ATP11A: variants seen among roughly 807,000 people sequenced by gnomAD.
The protein encoded by ATP11A is phospholipid-transporting ATPase IH.
ATP11A carries 81 observed loss-of-function variants against 154.4 expected under a neutral mutation model. The observed-to-expected ratio is 0.52, with a 90% confidence interval of 0.44 to 0.63. The LOEUF is 0.63. Among genes scored for constraint, ATP11A ranks in the 30% least tolerant of loss-of-function variants. ATP11A has a pLI of 0.00. For missense variants in ATP11A, 1,316 were observed against 1,474.3 expected, an observed-to-expected ratio of 0.89 and a Z score of 1.76; for synonymous variants, 623 against 585.9, an observed-to-expected ratio of 1.06 and a Z score of -0.91.
At chr13:112,877,773 A>G (rs2080773187) in intron 28 of ATP11A, among the ~76,000 whole-genome samples, 1 of 152,176 alleles carries the variant, frequency 6.6e-6, no homozygotes. Flanking sequence ...CAGCCTCCAG[A>G]GTCGGGGCTG....
intron 6 of ATP11A, 52 bp from the exon 7 acceptor site, chr13:112,819,252 G>C (rs2078728038): frequency 1.3e-6 from 2 of 1,532,408 alleles, no homozygotes; most frequent in South Asian, 2.2e-5. Context: ...CCAGCGTCTG[G>C]GTTTGTGTTG....
chr13:112,794,202 C>T (rs2077936742), intron 2 of ATP11A, among the ~76,000 whole-genome samples: 2 of 152,134 alleles, frequency 1.3e-5, no homozygotes, highest in Non-Finnish European at 2.9e-5. Context: ...GGATTGAGGA[C>T]GTCTACTGAT....
Position 112,754,701 on chromosome 13 carries a change from G to A in ATP11A, c.40-30434G>A. ...GGTGGACCCATCGCCTCCAAAGCCT[G>A]TGGGTCTCATTGGCTGGAATGTCTC... On this transcript the variant is annotated intron_variant, in intron 1 of 29. Coordinates refer to ENST00000375645, the MANE Select transcript of ATP11A (RefSeq NM_015205.3). This position sits in a 1 kb window ranked among gnomAD's most constrained non-coding sequence, Gnocchi z 5.3. 1 of 152,644 alleles carries A rather than the reference G, an allele frequency of 6.6e-6. No homozygotes were observed. Among genetic ancestry groups the A allele is most frequent in the South Asian group, 2.1e-4 (1 of 4,840 alleles). The allele number at this position is 152,644 out of a possible 1,614,324, so 9.5% of individuals were successfully genotyped here. A position where few individuals can be genotyped will look rare whatever the true frequency, so the allele number is the denominator to read the frequency against.
intron 3 of ATP11A, among the ~76,000 whole-genome samples, 198 bp from the exon 4 acceptor site, chr13:112,806,015 A>T (rs910810203): frequency 2.0e-5 from 3 of 152,124 alleles, no homozygotes; most frequent in Admixed American, 1.3e-4. Flanking sequence ...TCCTTAATTT[A>T]AAAAAGGTGC....
chr13:112,690,933 A>G lies in ATP11A; in HGVS notation c.39+478A>G, dbSNP rs1203661278. Among the ~76,000 whole-genome samples the G allele has an allele frequency of 6.6e-6, 1 of 152,182 alleles. No homozygotes were observed. Among genetic ancestry groups the G allele is most frequent in the Non-Finnish European group, 1.5e-5 (1 of 68,014 alleles). On this transcript the variant is annotated intron_variant, in intron 1 of 29. Coordinates refer to ENST00000375645, the MANE Select transcript of ATP11A (RefSeq NM_015205.3). This position sits in a 1 kb window ranked among gnomAD's most constrained non-coding sequence, Gnocchi z 5.6. ...TACACTTCTGCAGAAAAAGGTAGCA[A>G]TTGTGTTTGTTCTTTAACACCCCTG...
intron 1 of ATP11A, among the ~76,000 whole-genome samples, chr13:112,727,917 G>C (rs187574618): frequency 6.6e-6 from 1 of 152,222 alleles, no homozygotes; most frequent in African/African-American, 2.4e-5. Context: ...CGAATTCTCC[G>C]TGTAACTCAG....
At chr13:112,695,036 C>T (rs1885635348) in intron 1 of ATP11A, among the ~76,000 whole-genome samples, 1 of 152,174 alleles carries the variant, frequency 6.6e-6, no homozygotes, top group Non-Finnish European at 1.5e-5. Context: ...TTCTGAAAGA[C>T]AGACTTATTT....
chr13:112,783,168 CTG>C (rs982374310), intron 1 of ATP11A, among the ~76,000 whole-genome samples: 1 of 152,182 alleles, frequency 6.6e-6, no homozygotes, highest in African/African-American at 2.4e-5. Context: ...AAGACTTCCT[CTG>C]AGAGGTTGGT....
At chr13:112,781,073 G>C (rs865929358) in intron 1 of ATP11A, among the ~76,000 whole-genome samples, 16 of 152,192 alleles carry the variant, frequency 1.1e-4, no homozygotes, top group African/African-American at 2.6e-4. Flanking sequence ...CGGAGCCTCG[G>C]TCTGTCATCC....
intron 1 of ATP11A, among the ~76,000 whole-genome samples, chr13:112,768,564 C>T (rs2077152386): frequency 6.6e-6 from 1 of 152,250 alleles, no homozygotes; most frequent in South Asian, 2.1e-4. Flanking sequence ...AATATGCCTA[C>T]AATGCATTCG....
intron 2 of ATP11A, among the ~76,000 whole-genome samples, chr13:112,797,610 G>A (rs927226471): frequency 5.9e-5 from 9 of 152,112 alleles, no homozygotes; most frequent in Non-Finnish European, 1.2e-4. Context: ...AGGAAGAAAA[G>A]AATAATGTAA....
chr13:112,782,162 C>T (rs964987279), intron 1 of ATP11A, among the ~76,000 whole-genome samples: 5 of 152,226 alleles, frequency 3.3e-5, no homozygotes, highest in Admixed American at 1.3e-4. Context: ...AACGTCTGCT[C>T]GCCGGTGTTG....
chr13:112,826,824 T>C lies in ATP11A; in HGVS notation c.1154T>C (p.Met385Thr). The C allele has an allele frequency of 1.2e-6, 2 of 1,614,124 alleles. No individual in the cohort carries two copies. Among genetic ancestry groups the C allele is most frequent in the Admixed American group, 1.7e-5 (1 of 60,006 alleles). ...TACTTCATCACCTGGGACGAAGACA[T>C]GTTTGACGAGGAGACTGGCGAGGGG... ...GSYFITWDED[M>T]FDEETGEGPL... The change falls in exon 12 of 30, where the codon ATG becomes ACG. Residue 385 changes from methionine to threonine, a missense_variant. Around this residue, in one of 5 missense-constraint regions of ATP11A, gnomAD observed 876 missense variants for 1,006.8 expected, o/e 0.87. Transcript: ENST00000375645.
chr13:112,711,429 A>G (rs1337672102), intron 1 of ATP11A, among the ~76,000 whole-genome samples: 1 of 152,126 alleles, frequency 6.6e-6, no homozygotes, highest in African/African-American at 2.4e-5. Context: ...CAACATAGCA[A>G]GACCCTGTCT....
At chr13:112,764,394 T>A (rs2077028648) in intron 1 of ATP11A, among the ~76,000 whole-genome samples, 1 of 152,226 alleles carries the variant, frequency 6.6e-6, no homozygotes, top group Admixed American at 6.5e-5. Context: ...TTCCTTACGA[T>A]TTCATGGAAT....
At chr13:112,702,582 C>CGTG (rs1886697044) in intron 1 of ATP11A, among the ~76,000 whole-genome samples, 1 of 152,202 alleles carries the variant, frequency 6.6e-6, no homozygotes, top group Non-Finnish European at 1.5e-5. Context: ...CTGTGTTGTG[C>CGTG]GTGCGTCTCT....
chr13:112,820,476 G>C (rs1029508872), intron 8 of ATP11A, among the ~76,000 whole-genome samples: 1 of 152,222 alleles, frequency 6.6e-6, no homozygotes, highest in Non-Finnish European at 1.5e-5. Flanking sequence ...ACGGTTGGCT[G>C]CTGTGCCTTC....
rs543971659 is a variant in ATP11A, at chr13:112,729,406, C to T, written c.39+38951C>T. 5.8e-4 allele frequency among the ~76,000 whole-genome samples: 88 copies of T among 150,918 alleles called. 2 individuals are homozygous for T. The highest frequency in any genetic ancestry group is 2.1e-3 in the African/African-American group (85 of 40,454). On this transcript the variant is annotated intron_variant, in intron 1 of 29. Transcript: ENST00000375645. The stretch of plus-strand genomic sequence containing the variant: ...GCGGGCCCAGAGTATCTAACGCGTC[C>T]GAGTGCGAACAGTGTCAGAAGGCAC...
rs1163266359 is a variant in ATP11A, at chr13:112,878,301, A to G, written c.*7A>G. On this transcript the variant is annotated splice_region_variant and 3_prime_UTR_variant, in exon 29 of 30. Transcript: ENST00000375645. The stretch of plus-strand genomic sequence containing the variant: ...CAGCAGCCTGAGTTTCTGATGGAAC[A>G]AGGTGATGCTCCTCTGCCTTCCACG... The G allele has an allele frequency of 6.2e-7, 1 of 1,613,878 alleles. No homozygotes were observed. Among genetic ancestry groups the G allele is most frequent in the East Asian group, 2.2e-5 (1 of 44,892 alleles).
Sources: allele counts gnomAD v4.1 joint callset (sites outside exome capture counted in the v4.1 genomes callset), GRCh38; gene constraint gnomAD v4.1.1; regional missense constraint gnomAD v4.1.1; non-coding constraint Gnocchi (gnomAD v3.1); transcripts MANE v1.5; gene names NCBI Gene and HGNC (gene_info 2026-07-23, HGNC 2026-07-21).